Variants in ZFP42 observed in about 807,000 individuals in gnomAD.
The protein encoded by ZFP42 is zinc finger protein 42 homolog.
For synonymous variants in ZFP42, 175 were observed against 144.6 expected (o/e 1.21, Z -1.51); for missense variants, 438 against 377.1 (o/e 1.16, Z -1.34).
At chr4:188,005,056 CAA>C (rs1012771521), downstream of ZFP42, 3 of 166,902 alleles carry the variant, frequency 1.8e-5, no homozygotes, top group Admixed American at 1.3e-4. Context: ...AGAAATATGC[CAA>C]GTCTGTATTT....
rs775791586 is a variant in ZFP42 at position 188,004,617 on chromosome 4, GC to G, written c.*883del. On this transcript the variant is annotated 3_prime_UTR_variant, in exon 4 of 4. Coordinates refer to ENST00000326866, the MANE Select transcript of ZFP42 (RefSeq NM_174900.5). ...TTACAGGTGTGAGCCACTGTGCCTG[GC>G]CCCCCACAACATGTTTAAACTTAGC... is the stretch of plus-strand genomic sequence containing the variant. The G allele has an allele frequency of 2.1e-4, 35 of 165,990 alleles. No individual in the cohort carries two copies. Among genetic ancestry groups the G allele is most frequent in the Non-Finnish European group, 4.1e-4 (28 of 68,526 alleles). 10.3% of individuals were successfully genotyped at this position (165,990 alleles called of 1,614,324 possible). A position where few individuals can be genotyped will look rare whatever the true frequency, so the allele number is the denominator to read the frequency against.
At chr4:187,997,034 C>CAT (rs1733613874) in intron 1 of ZFP42, among the ~76,000 whole-genome samples, 7 of 55,202 alleles carry the variant, frequency 1.3e-4, no homozygotes, top group Non-Finnish European at 2.2e-4. Flanking sequence ...GAGCATGGAG[C>CAT]GTGGAGCATG....
chr4:188,000,082 T>C (rs1308713783), intron 3 of ZFP42, among the ~76,000 whole-genome samples: 1 of 152,164 alleles, frequency 6.6e-6, no homozygotes, highest in South Asian at 2.1e-4. Flanking sequence ...GACATCAGAT[T>C]TTTTTGAATG....
chr4:188,002,951 C>T lies in ZFP42; in HGVS notation c.144C>T (p.Ala48=). The change falls in exon 4 of 4, where the codon GCC becomes GCT. Residue 48 remains alanine, a synonymous_variant. Transcript: ENST00000326866. ...AEIEPVSAVW[A]LCDGYVCYEP... ...TAGAACCTGTCAGCGCGGTGTGGGC[C>T]TTATGTGATGGCTATGTGTGCTATG... 2 of 1,614,072 alleles carry T rather than the reference C, an allele frequency of 1.2e-6. No homozygotes were observed. The highest frequency in any genetic ancestry group is 1.7e-5 in the Admixed American group (1 of 60,018).
chr4:188,003,633 G>A lies in ZFP42; in HGVS notation c.826G>A (p.Val276Met). 3.7e-6 allele frequency: 6 copies of A among 1,613,436 alleles called. No individual in the cohort carries two copies. Among genetic ancestry groups the A allele is most frequent in the South Asian group, 1.1e-5 (1 of 91,088 alleles). Reference protein sequence around the residue: ...VRIHTGEKRFVCPFQGCNRRF... With the variant: ...VRIHTGEKRFMCPFQGCNRRF... ...CATCCACACGGGGGAGAAACGTTTCGTGTGTCCCTTTCAAGGCTGCAACAG... is the reference window on the plus strand; with the variant it reads ...CATCCACACGGGGGAGAAACGTTTCATGTGTCCCTTTCAAGGCTGCAACAG... Residue 276 changes from valine (V) to methionine (M), a missense_variant, in exon 4 of 4, where the codon GTG (valine) becomes ATG (methionine). By Grantham distance (21) the Val-to-Met change is conservative (BLOSUM62 1). Transcript: ENST00000326866.
At chr4:188,000,433 A>G (rs1282718492) in intron 3 of ZFP42, among the ~76,000 whole-genome samples, 4 of 151,392 alleles carry the variant, frequency 2.6e-5, no homozygotes, top group Non-Finnish European at 4.4e-5. Flanking sequence ...TCTGTTGTCC[A>G]GGCTGGAGTG....
Position 188,003,851 on chromosome 4 carries a change from C to A in ZFP42, c.*111C>A. 2 of 1,176,672 alleles carry A rather than the reference C, an allele frequency of 1.7e-6. No homozygotes were observed. Among genetic ancestry groups the A allele is most frequent in the Non-Finnish European group, 2.4e-6 (2 of 847,928 alleles). The allele number at this position is 1,176,672 out of a possible 1,614,324, so 72.9% of individuals were successfully genotyped here. Reference sequence around the variant, plus strand: ...TAAATCAATATTGCAACCCCAAAAGCGGTTATAATTTGGTGTTACTAAGAT... The same window carrying A: ...TAAATCAATATTGCAACCCCAAAAGAGGTTATAATTTGGTGTTACTAAGAT... On this transcript the variant is annotated 3_prime_UTR_variant, in exon 4 of 4. Transcript: ENST00000326866.
rs370752743 is a variant in ZFP42 at position 188,003,617 on chromosome 4, G to T, written c.810G>T (p.Thr270=). The T allele has an allele frequency of 5.0e-6, 8 of 1,613,160 alleles. No individual in the cohort carries two copies. Among genetic ancestry groups the T allele is most frequent in the Non-Finnish European group, 6.8e-6 (8 of 1,180,006 alleles). ...FNLRTHVRIH[T]GEKRFVCPFQ... ...TGCGTACGCACGTGCGCATCCACAC[G>T]GGGGAGAAACGTTTCGTGTGTCCCT... Residue 270 remains threonine, a synonymous_variant, in exon 4 of 4, where the codon ACG becomes ACT. Transcript: ENST00000326866.
intron 1 of ZFP42, among the ~76,000 whole-genome samples, chr4:187,997,225 A>ATTTTTTTTTTTTTTTT (rs1484017532): frequency 1.1e-4 from 4 of 36,492 alleles, no homozygotes; most frequent in African/African-American, 1.7e-4. Context: ...CCCCTCTCAT[A>ATTTTTTTTTTTTTTTT]TTCTTTTTTT....
At position 188,003,433 on chromosome 4, in the gene ZFP42, T is replaced by C; in HGVS notation, c.626T>C (p.Leu209Pro). 1.2e-6 allele frequency: 2 copies of C among 1,614,114 alleles called. No homozygotes were observed. The highest frequency in any genetic ancestry group is 1.7e-6 in the Non-Finnish European group (2 of 1,180,022). ...AATAGAGCTGCCCTGAGAAAGCATC[T>C]CCTCATTCATGGTCCCCGAGACCAC... The part of the protein sequence containing the change: ...LRNRAALRKH[L>P]LIHGPRDHVC... The change falls in exon 4 of 4, where the codon CTC becomes CCC. Residue 209 changes from leucine (L) to proline (P), a missense_variant. By Grantham distance (98) the Leu-to-Pro change is moderately conservative. Transcript: ENST00000326866.
Position 187,997,228 on chromosome 4 carries a change from C to CTTTTTTTTTTTTTTTTTTTTTTTTTTTTT in ZFP42, c.-339+1410_-339+1411insTTTTTTTTTTTTTTTTTTTTTTTTTTTTT, listed in dbSNP as rs71595201. The stretch of plus-strand genomic sequence containing the variant: ...CCTCGGTTACTTCCCCTCTCATATT[C>CTTTTTTTTTTTTTTTTTTTTTTTTTTTTT]TTTTTTTTTTTTTTTTTTTTTTGAG... On this transcript the variant is annotated intron_variant, in intron 1 of 3. Transcript: ENST00000326866. Among the ~76,000 whole-genome samples, 7 of 60,022 alleles carry CTTTTTTTTTTTTTTTTTTTTTTTTTTTTT rather than the reference C, an allele frequency of 1.2e-4. 2 individuals are homozygous for CTTTTTTTTTTTTTTTTTTTTTTTTTTTTT. Among genetic ancestry groups the CTTTTTTTTTTTTTTTTTTTTTTTTTTTTT allele is most frequent in the African/African-American group, 3.9e-4 (5 of 12,744 alleles). The allele number at this position is 60,022 out of a possible 152,430, so 39.4% of individuals were successfully genotyped here. A position where few individuals can be genotyped will look rare whatever the true frequency, so the allele number is the denominator to read the frequency against.
intron 1 of ZFP42, among the ~76,000 whole-genome samples, chr4:187,996,426 T>C (rs1245890979): frequency 1.3e-5 from 2 of 152,158 alleles, no homozygotes; most frequent in Non-Finnish European, 2.9e-5. Flanking sequence ...TTCTCCTGCC[T>C]CAGCCTCCCA....
Position 188,003,252 on chromosome 4 carries a change from G to A in ZFP42, c.445G>A (p.Gly149Ser). The change falls in exon 4 of 4, where the codon GGC becomes AGC. Residue 149 changes from glycine (G) to serine (S), a missense_variant. By Grantham distance (56) the Gly-to-Ser change is moderately conservative. Coordinates refer to ENST00000326866, the MANE Select transcript of ZFP42 (RefSeq NM_174900.5). ...NSLEYSEYMTGKKLPPGGIPG... is the reference protein window; with the variant it reads ...NSLEYSEYMTSKKLPPGGIPG... ...GCTTGAGTATTCTGAGTACATGACA[G>A]GCAAGAAGCTTCCGCCTGGAGGAAT... The A allele has an allele frequency of 2.5e-6, 4 of 1,614,112 alleles. No individual in the cohort carries two copies. Among genetic ancestry groups the A allele is most frequent in the Non-Finnish European group, 3.4e-6 (4 of 1,180,040 alleles).
Position 188,003,869 on chromosome 4 carries a change from A to G in ZFP42, c.*129A>G. The G allele has an allele frequency of 1.1e-6, 1 of 930,644 alleles. No homozygotes were observed. The highest frequency in any genetic ancestry group is 2.9e-5 in the Admixed American group (1 of 34,338). The allele number at this position is 930,644 out of a possible 1,614,324, so 57.6% of individuals were successfully genotyped here. A position where few individuals can be genotyped will look rare whatever the true frequency, so the allele number is the denominator to read the frequency against. ...CCAAAAGCGGTTATAATTTGGTGTTACTAAGATGCTCCTACACTTTGTGAT... is the reference window on the plus strand; with the variant it reads ...CCAAAAGCGGTTATAATTTGGTGTTGCTAAGATGCTCCTACACTTTGTGAT... On this transcript the variant is annotated 3_prime_UTR_variant, in exon 4 of 4. Coordinates refer to ENST00000326866, the MANE Select transcript of ZFP42 (RefSeq NM_174900.5).
intron 3 of ZFP42, among the ~76,000 whole-genome samples, chr4:188,000,856 G>GC (rs1165430015): frequency 2.0e-5 from 3 of 148,640 alleles, no homozygotes; most frequent in Non-Finnish European, 4.5e-5. Context: ...TGGTGGCGGG[G>GC]CGGGGGGGCG....
rs1560917648 is a variant in ZFP42, at chr4:188,004,353, T to G, written c.*613T>G. 6.6e-6 allele frequency: 1 copy of G among 152,366 alleles called. No individual in the cohort carries two copies. Among genetic ancestry groups the G allele is most frequent in the Non-Finnish European group, 1.5e-5 (1 of 68,070 alleles). 9.4% of individuals were successfully genotyped at this position (152,366 alleles called of 1,614,324 possible). ...TTGTTTTTGTTGGTAGGCGTCTCGC[T>G]CTGTCACCCAGGCTGGAGTCTAGTG... On this transcript the variant is annotated 3_prime_UTR_variant, in exon 4 of 4. Transcript: ENST00000326866.
intron 3 of ZFP42, among the ~76,000 whole-genome samples, chr4:188,000,983 C>T (rs1733788588): frequency 6.6e-6 from 1 of 151,716 alleles, no homozygotes; most frequent in African/African-American, 2.4e-5. Context: ...GCAACAAGAG[C>T]GAAACTCCAT....
chr4:188,003,896 C>T lies in ZFP42; in HGVS notation c.*156C>T. On this transcript the variant is annotated 3_prime_UTR_variant, in exon 4 of 4. Coordinates refer to ENST00000326866, the MANE Select transcript of ZFP42 (RefSeq NM_174900.5). ...TAAGATGCTCCTACACTTTGTGATA[C>T]CGTTTTAAGGACATGGTGCATTTTT... The T allele has an allele frequency of 1.4e-6, 1 of 699,210 alleles. No homozygotes were observed. Among genetic ancestry groups the T allele is most frequent in the South Asian group, 2.4e-5 (1 of 41,088 alleles). 43.3% of individuals were successfully genotyped at this position (699,210 alleles called of 1,614,324 possible).
At chr4:187,998,199 G>A (rs1452128849) in intron 1 of ZFP42, among the ~76,000 whole-genome samples, 1 of 152,084 alleles carries the variant, frequency 6.6e-6, no homozygotes, top group Admixed American at 6.6e-5. Flanking sequence ...AGCTGGGCGT[G>A]GTGACACATG....
Sources: allele counts gnomAD v4.1 joint callset (sites outside exome capture counted in the v4.1 genomes callset), GRCh38; gene constraint gnomAD v4.1.1; transcripts MANE v1.5; gene names NCBI Gene and HGNC (gene_info 2026-07-23, HGNC 2026-07-21).